Variants in TLN2 observed in about 807,000 individuals in gnomAD.
TLN2 encodes the protein talin 2.
Under a neutral mutation model 294.7 loss-of-function variants are expected in TLN2, and 118 were observed. The ratio of observed to expected loss-of-function variants is 0.40; its 90% CI spans 0.34 to 0.47. TLN2 has a LOEUF of 0.47. TLN2 is among the 20% of genes least tolerant of loss of function. TLN2 has a pLI of 0.84. For synonymous variants in TLN2, 1,431 were observed against 1,304.5 expected, an observed-to-expected ratio of 1.10 and a Z score of -2.09; for missense variants, 3,083 against 3,282.2, an observed-to-expected ratio of 0.94 and a Z score of 1.48.
chr15:62,798,988 G>A (rs949417589), intron 48 of TLN2, among the ~76,000 whole-genome samples: 1 of 152,200 alleles, frequency 6.6e-6, no homozygotes, highest in African/African-American at 2.4e-5. Flanking sequence ...GGAGGTGGAG[G>A]TTGCAGTGAG....
intron 22 of TLN2, among the ~76,000 whole-genome samples, 159 bp downstream of exon 22, chr15:62,712,236 G>A (rs940072804): frequency 2.0e-5 from 3 of 152,216 alleles, no homozygotes; most frequent in Non-Finnish European, 4.4e-5. Context: ...TGGCAAAGGC[G>A]GTAATGGAAC....
intron 1 of TLN2, among the ~76,000 whole-genome samples, chr15:62,449,813 A>G (rs2036000857): frequency 6.6e-6 from 1 of 152,160 alleles, no homozygotes; most frequent in African/African-American, 2.4e-5. Flanking sequence ...AGCTATGCAG[A>G]GAAAGGACAA....
intron 9 of TLN2, among the ~76,000 whole-genome samples, chr15:62,668,097 C>T (rs933715390): frequency 4.6e-5 from 7 of 152,202 alleles, no homozygotes; most frequent in African/African-American, 1.4e-4. Flanking sequence ...GGCTCAGTTA[C>T]ATAGCATAAA....
chr15:62,429,482 C>T (rs1179677625), intron 1 of TLN2, among the ~76,000 whole-genome samples: 1 of 152,142 alleles, frequency 6.6e-6, no homozygotes, highest in Non-Finnish European at 1.5e-5. Flanking sequence ...CCTGTCTTGG[C>T]CAGGGTTTAG....
At chr15:62,800,203 C>G (rs1596041180) in intron 48 of TLN2, among the ~76,000 whole-genome samples, 165 bp from the exon 49 acceptor site, 1 of 152,238 alleles carries the variant, frequency 6.6e-6, no homozygotes, top group East Asian at 1.9e-4. Context: ...AGTCCTGTAT[C>G]AGAATCACCA....
rs1376402591 is a variant in TLN2 at position 62,708,586 on chromosome 15, T to G, written c.2257T>G (p.Cys753Gly). Residue 753 changes from cysteine to glycine, a missense_variant, in exon 21 of 59, where the codon TGT becomes GGT. Physicochemically the swap from Cys to Gly is radical, Grantham distance 159. Transcript: ENST00000636159. ...GKLVDRSVEN[C>G]VRACQAATTD... ...GCTGGTGGACCGCTCGGTGGAGAAC[T>G]GTGTCCGTGCCTGCCAGGCGGCCAC... 71 of 1,614,210 alleles carry G rather than the reference T, an allele frequency of 4.4e-5. No homozygotes were observed. The highest frequency in any genetic ancestry group is 5.8e-5 in the Non-Finnish European group (69 of 1,180,040).
chr15:62,503,802 G>A (rs2039435782), intron 1 of TLN2, among the ~76,000 whole-genome samples: 3 of 152,170 alleles, frequency 2.0e-5, no homozygotes, highest in Admixed American at 6.5e-5. Flanking sequence ...GAACCTGGAA[G>A]CCTCACTTAG....
intron 29 of TLN2, among the ~76,000 whole-genome samples, chr15:62,737,344 G>A (rs1191268651): frequency 1.3e-5 from 2 of 152,194 alleles, no homozygotes; most frequent in African/African-American, 4.8e-5. Context: ...TTCTGTCCTT[G>A]GGAGTTTCAG....
intron 13 of TLN2, among the ~76,000 whole-genome samples, chr15:62,693,913 T>A (rs1253845228): frequency 2.0e-5 from 3 of 151,674 alleles, no homozygotes; most frequent in African/African-American, 7.3e-5. Context: ...CTTCAAAATG[T>A]TTTTTTAAAG....
At chr15:62,417,913 A>G (rs1341585555) in intron 1 of TLN2, among the ~76,000 whole-genome samples, 2 of 152,188 alleles carry the variant, frequency 1.3e-5, no homozygotes, top group East Asian at 3.8e-4. Context: ...GGTTGTCCGA[A>G]TGCTTGGCTT....
chr15:62,617,962 CTTT>C (rs768055599), intron 2 of TLN2, among the ~76,000 whole-genome samples: 4 of 136,128 alleles, frequency 2.9e-5, no homozygotes, highest in African/African-American at 5.4e-5. Context: ...TCAGGCAATT[CTTT>C]TTTTTTTTTT....
intron 32 of TLN2, among the ~76,000 whole-genome samples, chr15:62,745,850 C>G (rs1275358959): frequency 6.6e-6 from 1 of 152,136 alleles, no homozygotes; most frequent in Non-Finnish European, 1.5e-5. Context: ...CATGTAATCC[C>G]GACTGTAAAA....
At chr15:62,433,405 G>C (rs140239618) in intron 1 of TLN2, among the ~76,000 whole-genome samples, 66 of 152,236 alleles carry the variant, frequency 4.3e-4, no homozygotes, top group African/African-American at 1.5e-3. Flanking sequence ...AGGGCCTGCT[G>C]AGAACCAGAG....
At chr15:62,462,190 C>T (rs1002853047) in intron 1 of TLN2, among the ~76,000 whole-genome samples, 6 of 152,282 alleles carry the variant, frequency 3.9e-5, no homozygotes, top group East Asian at 1.9e-4. Context: ...GCCGAGATTG[C>T]GGCACTGCGC....
intron 1 of TLN2, among the ~76,000 whole-genome samples, chr15:62,472,183 C>T (rs1254157293): frequency 1.3e-5 from 2 of 152,142 alleles, no homozygotes; most frequent in Non-Finnish European, 2.9e-5. Context: ...ATTGTATTCA[C>T]CCACTTTGGG....
At chr15:62,833,798 C>A in intron 55 of TLN2, 169 bp downstream of exon 55, 3 of 900,532 alleles carry the variant, frequency 3.3e-6, no homozygotes, top group Non-Finnish European at 4.7e-6. Context: ...GCCTTCAGAC[C>A]AACAGAATAA....
chr15:62,636,545 A>G (rs1414463284), intron 3 of TLN2, among the ~76,000 whole-genome samples: 1 of 152,166 alleles, frequency 6.6e-6, no homozygotes, highest in Non-Finnish European at 1.5e-5. Context: ...ATAAGTGGCA[A>G]GAATAGGTTT....
chr15:62,510,021 C>T (rs2039847970), intron 1 of TLN2, among the ~76,000 whole-genome samples: 1 of 152,168 alleles, frequency 6.6e-6, no homozygotes. Context: ...ATGTTTTTAG[C>T]GAATAGGGAA....
chr15:62,741,748 C>CGCGCGCGTGTGTGTGTGTGTGTGTGTGT lies in TLN2; in HGVS notation c.4025+980_4025+981insCGCGCGTGTGTGTGTGTGTGTGTGTGTG. Among the ~76,000 whole-genome samples the CGCGCGCGTGTGTGTGTGTGTGTGTGTGT allele has an allele frequency of 9.2e-3, 1,202 of 131,146 alleles. 24 individuals carry two copies. Among genetic ancestry groups the CGCGCGCGTGTGTGTGTGTGTGTGTGTGT allele is most frequent in the Middle Eastern group, 0.021 (5 of 236 alleles). The allele number at this position is 131,146 out of a possible 152,430, so 86.0% of individuals were successfully genotyped here. A position where few individuals can be genotyped will look rare whatever the true frequency, so the allele number is the denominator to read the frequency against. ...TTAACTTGGTTTTTTAAAATTTGCG[C>CGCGCGCGTGTGTGTGTGTGTGTGTGTGT]GTGTGTGTGTGTGTGTGTGTCTTTA... On this transcript the variant is annotated intron_variant, in intron 32 of 58. Coordinates refer to ENST00000636159, the MANE Select transcript of TLN2 (RefSeq NM_015059.3).
Sources: allele counts gnomAD v4.1 joint callset (sites outside exome capture counted in the v4.1 genomes callset), GRCh38; gene constraint gnomAD v4.1.1; transcripts MANE v1.5; gene names NCBI Gene and HGNC (gene_info 2026-07-23, HGNC 2026-07-21).